KDM7A: variants seen among roughly 807,000 people sequenced by gnomAD.
The protein encoded by KDM7A is lysine-specific demethylase 7A.
KDM7A carries 28 observed loss-of-function variants against 114.8 expected under a neutral mutation model. The ratio of observed to expected loss-of-function variants is 0.24; its 90% CI spans 0.18 to 0.33. KDM7A has a LOEUF of 0.33. Ranked by LOEUF, KDM7A falls within the 10% of genes least tolerant of loss-of-function variation. The pLI is 1.00. For synonymous variants in KDM7A, 423 were observed against 397.8 expected (o/e 1.06, Z -0.75); for missense variants, 942 against 1,142.5 (o/e 0.82, Z 2.53).
intron 3 of KDM7A, 121 bp from the exon 4 acceptor site, chr7:140,129,774 C>A: frequency 1.6e-6 from 1 of 623,584 alleles, no homozygotes; most frequent in Non-Finnish European, 2.8e-6. Context: ...CTTAACCTAT[C>A]ACTTCTCATT....
intron 1 of KDM7A, among the ~76,000 whole-genome samples, chr7:140,162,341 A>G (rs1293137367): frequency 6.6e-6 from 1 of 151,926 alleles, no homozygotes; most frequent in Non-Finnish European, 1.5e-5. Context: ...GTCTCCCAAA[A>G]AAAAAAAAAA....
At chr7:140,132,335 G>C (rs1342745718) in intron 3 of KDM7A, among the ~76,000 whole-genome samples, 1 of 152,102 alleles carries the variant, frequency 6.6e-6, no homozygotes, top group Non-Finnish European at 1.5e-5. Context: ...AGGCAGTAAA[G>C]TCACATAAAT....
intron 1 of KDM7A, among the ~76,000 whole-genome samples, chr7:140,152,159 T>C (rs1201424831): frequency 1.3e-5 from 2 of 152,174 alleles, no homozygotes; most frequent in African/African-American, 4.8e-5. Flanking sequence ...AAGGCCTCTC[T>C]GCTGGAACAG....
At chr7:140,145,862 T>A (rs1236977421) in intron 1 of KDM7A, among the ~76,000 whole-genome samples, 1 of 152,140 alleles carries the variant, frequency 6.6e-6, no homozygotes, top group African/African-American at 2.4e-5. Context: ...AAACTCTCCA[T>A]GACATCTAAG....
chr7:140,111,040 T>C (rs1818421427), intron 11 of KDM7A, 55 bp downstream of exon 11: 1 of 952,868 alleles, frequency 1.0e-6, no homozygotes, highest in Non-Finnish European at 1.7e-6. Context: ...ATAGATCCAT[T>C]TGCTTCTCAA....
At chr7:140,143,093 C>A (rs927803606) in intron 1 of KDM7A, among the ~76,000 whole-genome samples, 18 of 149,146 alleles carry the variant, frequency 1.2e-4, no homozygotes, top group Non-Finnish European at 2.4e-4. Context: ...GGCAGGAGAA[C>A]GGCATGAACT....
intron 3 of KDM7A, among the ~76,000 whole-genome samples, chr7:140,132,096 C>T (rs548841784): frequency 6.6e-6 from 1 of 152,116 alleles, no homozygotes; most frequent in Non-Finnish European, 1.5e-5. Context: ...AAAACTTACA[C>T]TAAGTCTTAA....
chr7:140,100,188 A>G (rs1364949932), intron 12 of KDM7A, among the ~76,000 whole-genome samples, 165 bp from the exon 13 acceptor site: 1 of 152,240 alleles, frequency 6.6e-6, no homozygotes, highest in Non-Finnish European at 1.5e-5. Flanking sequence ...CAGAGTTCCT[A>G]AAGCCAAAGT....
chr7:140,145,501 G>A (rs1469046799), intron 1 of KDM7A, among the ~76,000 whole-genome samples: 1 of 152,186 alleles, frequency 6.6e-6, no homozygotes, highest in African/African-American at 2.4e-5. Context: ...AGATCCAAGT[G>A]TGGAAACAGT....
intron 11 of KDM7A, among the ~76,000 whole-genome samples, chr7:140,109,775 T>C (rs1381719405): frequency 6.6e-6 from 1 of 152,192 alleles, no homozygotes; most frequent in African/African-American, 2.4e-5. Flanking sequence ...CCTTCAATAT[T>C]CAGTAAATTG....
intron 11 of KDM7A, among the ~76,000 whole-genome samples, chr7:140,109,703 A>G (rs1209794756): frequency 6.6e-6 from 1 of 152,194 alleles, no homozygotes; most frequent in Non-Finnish European, 1.5e-5. Context: ...CTGAATTCCT[A>G]TCATGCAAGA....
At chr7:140,157,992 A>AAATAATAAT (rs141893583) in intron 1 of KDM7A, among the ~76,000 whole-genome samples, 14 of 146,450 alleles carry the variant, frequency 9.6e-5, no homozygotes, top group African/African-American at 3.0e-4. Context: ...ATAAATAAAT[A>AAATAATAAT]AATAATAATA....
intron 7 of KDM7A, among the ~76,000 whole-genome samples, chr7:140,123,899 T>A (rs1415800622): frequency 6.6e-6 from 1 of 151,416 alleles, no homozygotes; most frequent in Admixed American, 6.6e-5. Context: ...TGACACCCGG[T>A]CTCTACTAAA....
intron 8 of KDM7A, 131 bp from the exon 9 acceptor site, chr7:140,119,350 A>T: frequency 2.0e-6 from 1 of 505,818 alleles, no homozygotes; most frequent in Non-Finnish European, 3.5e-6. Flanking sequence ...TTTCTTAGCA[A>T]CATCACATTT....
intron 1 of KDM7A, among the ~76,000 whole-genome samples, chr7:140,161,857 T>A (rs1794523249): frequency 6.6e-6 from 1 of 152,154 alleles, no homozygotes; most frequent in Non-Finnish European, 1.5e-5. Context: ...TATTAAAGTA[T>A]TCAAGGGATA....
intron 1 of KDM7A, among the ~76,000 whole-genome samples, chr7:140,165,469 T>A (rs1202083510): frequency 6.6e-6 from 1 of 152,212 alleles, no homozygotes; most frequent in Non-Finnish European, 1.5e-5. Flanking sequence ...TCCTTATTTG[T>A]GGTTTCACTT....
At chr7:140,170,692 A>G (rs1274253157) in intron 1 of KDM7A, among the ~76,000 whole-genome samples, 1 of 152,266 alleles carries the variant, frequency 6.6e-6, no homozygotes, top group Admixed American at 6.5e-5. Context: ...AGCACTTTGT[A>G]AAACATTCGA....
intron 1 of KDM7A, among the ~76,000 whole-genome samples, chr7:140,151,881 T>C (rs1794404372): frequency 1.3e-5 from 2 of 152,206 alleles, no homozygotes; most frequent in Non-Finnish European, 2.9e-5. Context: ...GAAAGCTATA[T>C]TTTCTAGGGC....
In KDM7A at chr7:140,133,658, TG is replaced by T; in HGVS notation, c.281-3del. The T allele has an allele frequency of 1.3e-6, 2 of 1,551,120 alleles. No individual in the cohort carries two copies. Among genetic ancestry groups the T allele is most frequent in the Non-Finnish European group, 1.8e-6 (2 of 1,129,448 alleles). ...TGTGCCAGTTCCTCCTTTTTTTCACTGGATTTTTAAAAGATTAAAAAAAAAT... is the reference window on the plus strand; with the variant it reads ...TGTGCCAGTTCCTCCTTTTTTTCACTGATTTTTAAAAGATTAAAAAAAAAT... On this transcript the variant is annotated splice_polypyrimidine_tract_variant and splice_region_variant and intron_variant, in intron 2 of 19. Coordinates refer to ENST00000397560, the MANE Select transcript of KDM7A (RefSeq NM_030647.2).
Sources: allele counts gnomAD v4.1 joint callset (sites outside exome capture counted in the v4.1 genomes callset), GRCh38; gene constraint gnomAD v4.1.1; transcripts MANE v1.5; gene names NCBI Gene and HGNC (gene_info 2026-07-23, HGNC 2026-07-21).